Variants in ATP8A1 observed in about 807,000 individuals in gnomAD.
The protein encoded by ATP8A1 is ATPase phospholipid transporting 8A1.
A neutral mutation model predicts 177.7 loss-of-function variants in ATP8A1; 90 were observed. The observed-to-expected ratio is 0.51, with a 90% CI of 0.43 to 0.60. The LOEUF is 0.60. Ranked by LOEUF, ATP8A1 falls within the 20% of genes least tolerant of loss-of-function variation. The probability of loss-of-function intolerance (pLI) is 0.00; values close to 1 mark genes in which losing one functional copy is unlikely to be tolerated. For synonymous variants in ATP8A1, 493 were observed against 485.9 expected (o/e 1.01, Z -0.19); for missense variants, 1,072 against 1,392.8 (o/e 0.77, Z 3.67).
intron 25 of ATP8A1, among the ~76,000 whole-genome samples, chr4:42,470,389 T>A (rs1720268632): frequency 6.6e-6 from 1 of 152,228 alleles, no homozygotes; most frequent in Admixed American, 6.5e-5. Context: ...TGGTCCATCT[T>A]ACATGAAGCT....
intron 22 of ATP8A1, among the ~76,000 whole-genome samples, chr4:42,509,151 A>C (rs1239648140): frequency 6.6e-6 from 1 of 152,216 alleles, no homozygotes; most frequent in African/African-American, 2.4e-5. Flanking sequence ...GCTCGACCAT[A>C]CCTCAACTCA....
chr4:42,555,122 TATCTATCTATCTATCTA>T (rs1560454184), intron 16 of ATP8A1, among the ~76,000 whole-genome samples: 44 of 93,650 alleles, frequency 4.7e-4, no homozygotes, highest in African/African-American at 1.8e-3. Context: ...TCTATCTATC[TATCTATCTATCTATCTA>T]ATCTATCTAT....
chr4:42,430,498 A>G (rs1715155232), intron 33 of ATP8A1, among the ~76,000 whole-genome samples: 2 of 150,044 alleles, frequency 1.3e-5, no homozygotes, highest in Admixed American at 6.6e-5. Context: ...TTTTTCTCCA[A>G]CTTTTAAGTT....
At chr4:42,550,300 A>T (rs66538063) in intron 18 of ATP8A1, among the ~76,000 whole-genome samples, 23,852 of 147,400 alleles carry the variant, frequency 0.16, 2,165 homozygotes, top group South Asian at 0.33. Context: ...TTTATTGTTT[A>T]GATGTTCCAT....
intron 6 of ATP8A1, among the ~76,000 whole-genome samples, chr4:42,598,488 T>C (rs879706292): frequency 6.6e-6 from 1 of 152,180 alleles, no homozygotes. Flanking sequence ...CCAAAATATA[T>C]TCTACTTTCT....
At chr4:42,629,716 TCA>T (rs1738524774) in intron 1 of ATP8A1, among the ~76,000 whole-genome samples, 1 of 152,212 alleles carries the variant, frequency 6.6e-6, no homozygotes, top group Non-Finnish European at 1.5e-5. Flanking sequence ...CAGAAATATC[TCA>T]GTGAACATAC....
chr4:42,550,414 G>A (rs1027602463), intron 18 of ATP8A1, among the ~76,000 whole-genome samples: 3 of 152,066 alleles, frequency 2.0e-5, no homozygotes, highest in Non-Finnish European at 4.4e-5. Context: ...GGAGCATTTT[G>A]TTCCAAGTCT....
intron 36 of ATP8A1, among the ~76,000 whole-genome samples, chr4:42,413,269 C>T (rs1390126322): frequency 6.6e-6 from 1 of 152,134 alleles, no homozygotes; most frequent in Admixed American, 6.5e-5. Flanking sequence ...CCTCAATTCC[C>T]CTAAATCCTC....
intron 5 of ATP8A1, among the ~76,000 whole-genome samples, chr4:42,614,226 C>A (rs1374177575): frequency 6.6e-6 from 1 of 152,006 alleles, no homozygotes; most frequent in African/African-American, 2.4e-5. Flanking sequence ...TGTGGTAGCC[C>A]AAAATCATCA....
intron 24 of ATP8A1, among the ~76,000 whole-genome samples, chr4:42,495,878 A>C (rs1314698455): frequency 1.3e-5 from 2 of 152,164 alleles, no homozygotes; most frequent in Non-Finnish European, 2.9e-5. Flanking sequence ...AGAGGAAAAG[A>C]GAAAAAAAAT....
chr4:42,460,970 T>A (rs1413874919), intron 27 of ATP8A1, among the ~76,000 whole-genome samples: 1 of 152,200 alleles, frequency 6.6e-6, no homozygotes. Context: ...ATAACATATT[T>A]ATCATGCCTT....
chr4:42,477,078 T>C (rs1165939254), intron 25 of ATP8A1, among the ~76,000 whole-genome samples: 2 of 152,246 alleles, frequency 1.3e-5, no homozygotes, highest in South Asian at 2.1e-4. Flanking sequence ...ACAGCTATGA[T>C]GTGAAGGCTG....
chr4:42,577,627 A>G (rs1259487400), intron 12 of ATP8A1, among the ~76,000 whole-genome samples: 1 of 152,172 alleles, frequency 6.6e-6, no homozygotes, highest in East Asian at 1.9e-4. Context: ...TAATAAAAAT[A>G]AAACTAAGAC....
intron 1 of ATP8A1, among the ~76,000 whole-genome samples, chr4:42,635,812 C>CATAT (rs1324939916): frequency 2.9e-5 from 2 of 69,180 alleles, no homozygotes; most frequent in East Asian, 3.0e-4. Flanking sequence ...TATATATATA[C>CATAT]ACATGTATGT....
intron 20 of ATP8A1, among the ~76,000 whole-genome samples, chr4:42,527,816 A>T (rs1028725959): frequency 1.3e-5 from 2 of 152,142 alleles, no homozygotes; most frequent in African/African-American, 4.8e-5. Context: ...ATCAATTTCC[A>T]AACTTGAGCC....
At chr4:42,585,017 C>T (rs996545171) in intron 9 of ATP8A1, among the ~76,000 whole-genome samples, 3 of 152,104 alleles carry the variant, frequency 2.0e-5, no homozygotes, top group Non-Finnish European at 4.4e-5. Context: ...ACCACACTGC[C>T]CTAACATTCC....
Position 42,455,309 on chromosome 4 carries a change from G to C in ATP8A1, c.2805C>G (p.Asp935Glu). The change falls in exon 29 of 37, where the codon GAC becomes GAG. Residue 935 changes from aspartate (D) to glutamate (E), a missense_variant. Physicochemically the swap from Asp to Glu is conservative, Grantham distance 45 (BLOSUM62 2). Coordinates refer to ENST00000381668, the MANE Select transcript of ATP8A1 (RefSeq NM_006095.2). ...ELYKTSQNAL[D>E]FNTKVFWVHC... is the part of the protein sequence containing the mutation. ...CACTGTGTCCTACCTTGGTGTTGAA[G>C]TCCAGGGCATTCTGAGATGTTTTGT... 1.2e-6 allele frequency: 2 copies of C among 1,613,726 alleles called. No homozygotes were observed. The highest frequency in any genetic ancestry group is 1.7e-6 in the Non-Finnish European group (2 of 1,179,724).
intron 27 of ATP8A1, among the ~76,000 whole-genome samples, 153 bp from the exon 28 acceptor site, chr4:42,455,752 T>C (rs917333363): frequency 5.3e-5 from 8 of 152,346 alleles, no homozygotes; most frequent in African/African-American, 1.9e-4. Context: ...GTTTACTTTC[T>C]GATTGAAAGA....
In ATP8A1 at chr4:42,529,256, G is replaced by A. The variant is rs527584568; in HGVS notation, c.1723-4409C>T. On this transcript the variant is annotated intron_variant, in intron 20 of 36. Coordinates refer to ENST00000381668, the MANE Select transcript of ATP8A1 (RefSeq NM_006095.2). Reference sequence around the variant, plus strand: ...TTGGAGCCTTTGGCAGGCCCCCATAGGTGAATCACAGTGGAGGCATCTAGG... The same window carrying A: ...TTGGAGCCTTTGGCAGGCCCCCATAAGTGAATCACAGTGGAGGCATCTAGG... 1.1e-3 allele frequency among the ~76,000 whole-genome samples: 172 copies of A among 152,318 alleles called. 1 individual carries two copies. The highest frequency in any genetic ancestry group is 6.8e-3 in the Middle Eastern group (2 of 294).
Sources: gnomAD v4.1 joint callset for allele counts (sites outside exome capture counted in the v4.1 genomes callset) on GRCh38, gnomAD v4.1.1 for gene constraint, MANE v1.5 for transcripts, NCBI Gene and HGNC (gene_info 2026-07-23, HGNC 2026-07-21) for gene names.